Variants in ERC2 observed in about 807,000 individuals in gnomAD.
ERC2 encodes the protein ERC protein 2.
Under a neutral mutation model 114.8 loss-of-function variants are expected in ERC2, and 42 were observed. That is an observed-to-expected ratio of 0.37 (90% CI 0.29 to 0.47). The LOEUF (loss-of-function observed/expected upper bound fraction) is 0.47. Ranked by LOEUF, ERC2 falls within the 20% of genes least tolerant of loss-of-function variation. ERC2 has a pLI of 0.99. For synonymous variants in ERC2, 454 were observed against 425.5 expected, an observed-to-expected ratio of 1.07 and a Z score of -0.82; for missense variants, 939 against 1,150.7, an observed-to-expected ratio of 0.82 and a Z score of 2.66.
chr3:56,395,391 T>C (rs7637430), intron 2 of ERC2, among the ~76,000 whole-genome samples: 35,883 of 152,072 alleles, frequency 0.24, 4,871 homozygotes, highest in Non-Finnish European at 0.3. Context: ...ACTTTAACAT[T>C]GTCTTTGAAT....
At chr3:55,877,850 T>C (rs1299799379) in intron 14 of ERC2, among the ~76,000 whole-genome samples, 1 of 152,102 alleles carries the variant, frequency 6.6e-6, no homozygotes, top group Non-Finnish European at 1.5e-5. Flanking sequence ...CTCCTTAGTG[T>C]TTCTTTGTGT....
intron 17 of ERC2, among the ~76,000 whole-genome samples, chr3:55,535,680 T>C (rs1215282503): frequency 6.6e-6 from 1 of 152,204 alleles, no homozygotes; most frequent in African/African-American, 2.4e-5. Flanking sequence ...CCCCATCCTA[T>C]GTGGACCTTC....
intron 14 of ERC2, among the ~76,000 whole-genome samples, chr3:55,825,602 A>C (rs2060294447): frequency 6.6e-6 from 1 of 152,198 alleles, no homozygotes; most frequent in South Asian, 2.1e-4. Flanking sequence ...GTTTTTTTCA[A>C]TGGACATAGT....
chr3:56,243,694 A>G (rs1323742797), intron 3 of ERC2, among the ~76,000 whole-genome samples: 1 of 152,194 alleles, frequency 6.6e-6, no homozygotes, highest in Non-Finnish European at 1.5e-5. Context: ...ACAGAAAATC[A>G]TTTGGGATGA....
At chr3:56,091,849 C>G (rs1310814153) in intron 6 of ERC2, among the ~76,000 whole-genome samples, 3 of 152,062 alleles carry the variant, frequency 2.0e-5, no homozygotes, top group Non-Finnish European at 2.9e-5. Context: ...TATTTATCCT[C>G]CTGTTGATGT....
intron 10 of ERC2, among the ~76,000 whole-genome samples, chr3:56,002,807 G>A (rs1017073226): frequency 6.6e-6 from 1 of 152,154 alleles, no homozygotes; most frequent in Non-Finnish European, 1.5e-5. Flanking sequence ...TTAAGGAAGA[G>A]TTCCATAAGC....
At chr3:56,249,696 C>T (rs2051996411) in intron 3 of ERC2, among the ~76,000 whole-genome samples, 1 of 152,106 alleles carries the variant, frequency 6.6e-6, no homozygotes, top group African/African-American at 2.4e-5. Flanking sequence ...AGCATCTACA[C>T]ACTACAGGTT....
At chr3:55,833,257 A>G (rs1359759658) in intron 14 of ERC2, among the ~76,000 whole-genome samples, 1 of 150,280 alleles carries the variant, frequency 6.7e-6, no homozygotes, top group Non-Finnish European at 1.5e-5. Flanking sequence ...AAATACAGAG[A>G]ACACCACAAA....
At chr3:56,151,355 T>C (rs187775352) in intron 4 of ERC2, among the ~76,000 whole-genome samples, 46 of 152,196 alleles carry the variant, frequency 3.0e-4, no homozygotes, top group South Asian at 2.9e-3. Context: ...GTGTGAACCA[T>C]TGTGCCCAGC....
chr3:56,353,097 T>C (rs1306322381), intron 2 of ERC2, among the ~76,000 whole-genome samples: 7 of 152,124 alleles, frequency 4.6e-5, no homozygotes, highest in Non-Finnish European at 1.5e-5. Flanking sequence ...TGTTAGAGTC[T>C]GTTAGAAGGG....
At chr3:55,713,117 TC>T (rs2063866036) in intron 15 of ERC2, among the ~76,000 whole-genome samples, 1 of 115,350 alleles carries the variant, frequency 8.7e-6, no homozygotes, top group Non-Finnish European at 1.7e-5. Context: ...TCTCTCTCTC[TC>T]TCTCTCTCTG....
At chr3:56,397,179 C>A (rs60814962) in intron 2 of ERC2, among the ~76,000 whole-genome samples, 40,972 of 151,862 alleles carry the variant, frequency 0.27, 5,717 homozygotes, top group Admixed American at 0.29. Flanking sequence ...TCAAAGAGTA[C>A]AAAAAGATAC....
At chr3:56,226,137 T>C (rs1214150069) in intron 3 of ERC2, among the ~76,000 whole-genome samples, 1 of 152,190 alleles carries the variant, frequency 6.6e-6, no homozygotes, top group Non-Finnish European at 1.5e-5. Flanking sequence ...AAGATACAAA[T>C]TACCTACCTA....
Position 56,089,798 on chromosome 3 carries a change from C to A in ERC2, c.1474-8814G>T, listed in dbSNP as rs868063042. On this transcript the variant is annotated intron_variant, in intron 6 of 17. Coordinates refer to ENST00000288221, the MANE Select transcript of ERC2 (RefSeq NM_015576.3). ...TGATTCAGGGAGGATTCTGGCCCAA[C>A]AGCAAACAGACGGTTGGCTGAGCCC... is the stretch of plus-strand genomic sequence containing the variant. Among the ~76,000 whole-genome samples, 7 of 152,182 alleles carry A rather than the reference C, an allele frequency of 4.6e-5. No homozygotes were observed. In the South Asian group the frequency reaches 1.4e-3, roughly 32 times the overall value.
At chr3:56,021,323 T>C (rs1173578182) in intron 7 of ERC2, among the ~76,000 whole-genome samples, 7 of 152,100 alleles carry the variant, frequency 4.6e-5, no homozygotes, top group African/African-American at 1.7e-4. Context: ...CTTTGTACAT[T>C]TGTGTAGATT....
At position 56,025,509 on chromosome 3, in the gene ERC2, C is replaced by T. The variant is rs1424385235; in HGVS notation, c.1642-6478G>A. 3.9e-5 allele frequency among the ~76,000 whole-genome samples: 6 copies of T among 152,186 alleles called. No individual in the cohort carries two copies. The East Asian group carries it at 9.6e-4, about 24-fold the overall frequency. Reference sequence around the variant, plus strand: ...TGCTGGCCAAGGTTGCTGTCAGCTTCCAGAGGCTATATACAAAGGCCCTTG... The same window carrying T: ...TGCTGGCCAAGGTTGCTGTCAGCTTTCAGAGGCTATATACAAAGGCCCTTG... On this transcript the variant is annotated intron_variant, in intron 7 of 17. Coordinates refer to ENST00000288221, the MANE Select transcript of ERC2 (RefSeq NM_015576.3).
rs56851837 is a variant in ERC2 at position 55,942,266 on chromosome 3, C to CTTTTTTTTTTT, written c.2403+8148_2403+8158dup. Among the ~76,000 whole-genome samples, 46 of 42,114 alleles carry CTTTTTTTTTTT rather than the reference C, an allele frequency of 1.1e-3. 9 individuals are homozygous for CTTTTTTTTTTT. The highest frequency in any genetic ancestry group is 2.3e-3 in the African/African-American group (27 of 11,868). 27.6% of individuals were successfully genotyped at this position (42,114 alleles called of 152,430 possible). On this transcript the variant is annotated intron_variant, in intron 13 of 17. Transcript: ENST00000288221. Reference sequence around the variant, plus strand: ...TATTAAATGAAGTCTAAGGTCCTTTCTTTTTTTTTTTTTTTTTTTTTTTTT... The same window carrying CTTTTTTTTTTT: ...TATTAAATGAAGTCTAAGGTCCTTTCTTTTTTTTTTTTTTTTTTTTTTTTTTTTTTTTTTTT...
Position 55,699,244 on chromosome 3 carries a change from T to C in ERC2, c.2847+134A>G, listed in dbSNP as rs1238265388. 2.7e-6 allele frequency: 3 copies of C among 1,131,500 alleles called. No individual in the cohort carries two copies. The East Asian group carries it at 7.7e-5, about 29-fold the overall frequency. The allele number at this position is 1,131,500 out of a possible 1,614,324, so 70.1% of individuals were successfully genotyped here. ...AGATTCCTTGACTGATGGAAATAAA[T>C]ACCAAAGCTATTAGTTTCAGTTCAA... On this transcript the variant is annotated intron_variant, in intron 16 of 17. Coordinates refer to ENST00000288221, the MANE Select transcript of ERC2 (RefSeq NM_015576.3).
intron 1 of ERC2, among the ~76,000 whole-genome samples, chr3:56,460,838 C>T (rs747554387): frequency 5.3e-5 from 8 of 151,942 alleles, no homozygotes; most frequent in Non-Finnish European, 7.4e-5. Flanking sequence ...AGCAACATGG[C>T]GGCCTAGCGT....
Sources: gnomAD v4.1 joint callset for allele counts (sites outside exome capture counted in the v4.1 genomes callset) on GRCh38, gnomAD v4.1.1 for gene constraint, MANE v1.5 for transcripts, NCBI Gene and HGNC (gene_info 2026-07-23, HGNC 2026-07-21) for gene names.